Variants in TMTC2 observed in about 807,000 individuals in gnomAD.
TMTC2 encodes protein O-mannosyl-transferase TMTC2.
TMTC2 carries 43 observed loss-of-function variants against 82.4 expected under a neutral mutation model. That is an observed-to-expected ratio of 0.52 (90% CI 0.41 to 0.67). The LOEUF is 0.67. Ranked by LOEUF, TMTC2 falls within the 30% of genes least tolerant of loss-of-function variation. The pLI is 0.00. For synonymous variants in TMTC2, 408 were observed against 381.9 expected (o/e 1.07, Z -0.80); for missense variants, 919 against 1,012.4 (o/e 0.91, Z 1.25).
At chr12:83,088,666 T>C (rs1883742857) in intron 11 of TMTC2, among the ~76,000 whole-genome samples, 3 of 152,222 alleles carry the variant, frequency 2.0e-5, no homozygotes, top group South Asian at 2.1e-4. Flanking sequence ...ATTTATGGAA[T>C]ATATTTACTC....
intron 1 of TMTC2, among the ~76,000 whole-genome samples, chr12:82,830,684 ATAT>A (rs1321916711): frequency 6.6e-6 from 1 of 152,188 alleles, no homozygotes; most frequent in Non-Finnish European, 1.5e-5. Context: ...ATGAAGTAAA[ATAT>A]TATAAACAAT....
chr12:83,075,034 G>A (rs570003434), intron 11 of TMTC2, among the ~76,000 whole-genome samples: 5 of 152,138 alleles, frequency 3.3e-5, no homozygotes, highest in Admixed American at 1.3e-4. Context: ...GGGACCGAGC[G>A]AGCTCCCAGG....
chr12:83,013,434 AGGCTAGC>A (rs1880546452), intron 8 of TMTC2, among the ~76,000 whole-genome samples: 1 of 152,156 alleles, frequency 6.6e-6, no homozygotes, highest in African/African-American at 2.4e-5. Flanking sequence ...TAATCCACCT[AGGCTAGC>A]AATACTTAAA....
rs184043353 is a variant in TMTC2, at chr12:82,978,992, G to A, written c.1949-6933G>A. 3.2e-4 allele frequency among the ~76,000 whole-genome samples: 48 copies of A among 151,836 alleles called. 2 individuals carry two copies. Among genetic ancestry groups the A allele is most frequent in the Admixed American group, 3.0e-3 (46 of 15,194 alleles). On this transcript the variant is annotated intron_variant, in intron 7 of 11. Coordinates refer to ENST00000321196, the MANE Select transcript of TMTC2 (RefSeq NM_152588.3). Reference sequence around the variant, plus strand: ...TTGAAATCTGTTTTGTCTGGTGTAAGTATAGCTACTTCTGCTTTTTTTTGC... The same window carrying A: ...TTGAAATCTGTTTTGTCTGGTGTAAATATAGCTACTTCTGCTTTTTTTTGC...
intron 8 of TMTC2, among the ~76,000 whole-genome samples, chr12:83,013,142 C>G (rs779348950): frequency 2.6e-5 from 4 of 151,982 alleles, no homozygotes; most frequent in African/African-American, 9.7e-5. Context: ...CTAATTATTA[C>G]AAATATTAAA....
chr12:83,024,259 T>A (rs2020369), intron 8 of TMTC2, among the ~76,000 whole-genome samples: 131,344 of 152,184 alleles, frequency 0.86, 56,916 homozygotes, highest in South Asian at 0.96. Flanking sequence ...AAAATTTTTT[T>A]AAAAAATTTT....
intron 4 of TMTC2, among the ~76,000 whole-genome samples, chr12:82,934,381 C>G (rs375496587): frequency 1.3e-5 from 2 of 151,752 alleles, no homozygotes; most frequent in East Asian, 1.9e-4. Context: ...CCTCCCCTAG[C>G]CCCCCACCCC....
At chr12:82,815,572 A>G (rs1217976139) in intron 1 of TMTC2, among the ~76,000 whole-genome samples, 1 of 152,028 alleles carries the variant, frequency 6.6e-6, no homozygotes, top group Non-Finnish European at 1.5e-5. Flanking sequence ...TCGGCCTCCC[A>G]AAGTGCTGGG....
chr12:82,760,541 A>G (rs1876564944), intron 1 of TMTC2, among the ~76,000 whole-genome samples: 1 of 143,720 alleles, frequency 7.0e-6, no homozygotes, highest in Non-Finnish European at 1.5e-5. Context: ...ATTTCTCCAG[A>G]GAAAGAGACA....
chr12:82,913,866 T>A (rs1200897669), intron 3 of TMTC2, among the ~76,000 whole-genome samples: 3 of 152,170 alleles, frequency 2.0e-5, no homozygotes, highest in African/African-American at 7.2e-5. Context: ...CCCTGCATAC[T>A]CAATTCCCAC....
intron 11 of TMTC2, among the ~76,000 whole-genome samples, chr12:83,070,862 C>T (rs1157844797): frequency 6.6e-6 from 1 of 152,094 alleles, no homozygotes; most frequent in African/African-American, 2.4e-5. Context: ...CAGGGTACAT[C>T]CCTTGTATGC....
intron 4 of TMTC2, among the ~76,000 whole-genome samples, chr12:82,942,834 T>C (rs115914921): frequency 8.0e-4 from 122 of 152,144 alleles, no homozygotes; most frequent in African/African-American, 2.9e-3. Context: ...CTAGCTTAAT[T>C]TTTTTATTTA....
At chr12:83,115,761 C>T (rs1020404746) in intron 11 of TMTC2, among the ~76,000 whole-genome samples, 4 of 151,972 alleles carry the variant, frequency 2.6e-5, no homozygotes, top group African/African-American at 9.7e-5. Flanking sequence ...GGGCAGTATA[C>T]ACTGTACCCT....
intron 1 of TMTC2, among the ~76,000 whole-genome samples, chr12:82,706,554 C>G (rs923974577): frequency 1.3e-5 from 2 of 151,804 alleles, no homozygotes; most frequent in Non-Finnish European, 2.9e-5. Flanking sequence ...AAACAGGTAG[C>G]TATTATAGGA....
intron 9 of TMTC2, among the ~76,000 whole-genome samples, chr12:83,034,394 C>T (rs914867628): frequency 6.6e-6 from 1 of 152,040 alleles, no homozygotes; most frequent in East Asian, 1.9e-4. Context: ...GACTGGATCC[C>T]ATCGAACTAG....
At chr12:82,993,371 GT>G (rs34666513) in intron 8 of TMTC2, among the ~76,000 whole-genome samples, 126,146 of 149,706 alleles carry the variant, frequency 0.84, 53,866 homozygotes, top group South Asian at 0.97. Flanking sequence ...CTTATACACA[GT>G]TTTTTTTTTT....
intron 2 of TMTC2, among the ~76,000 whole-genome samples, chr12:82,874,059 A>G (rs1470826618): frequency 6.6e-6 from 1 of 152,236 alleles, no homozygotes; most frequent in Non-Finnish European, 1.5e-5. Context: ...TCAGATTTAT[A>G]TAAAAGTTGT....
intron 11 of TMTC2, among the ~76,000 whole-genome samples, chr12:83,100,357 GTTTGTTA>G (rs1304698692): frequency 1.3e-5 from 2 of 151,722 alleles, no homozygotes; most frequent in Admixed American, 1.3e-4. Context: ...TATTTTCACA[GTTTGTTA>G]TTTGTTTGTT....
intron 1 of TMTC2, among the ~76,000 whole-genome samples, chr12:82,711,921 A>G (rs1477192966): frequency 6.6e-6 from 1 of 152,220 alleles, no homozygotes; most frequent in Non-Finnish European, 1.5e-5. Flanking sequence ...AGCTCCTCTT[A>G]GAGAGAAGTG....
Sources: allele counts gnomAD v4.1 joint callset (sites outside exome capture counted in the v4.1 genomes callset), GRCh38; gene constraint gnomAD v4.1.1; transcripts MANE v1.5; gene names NCBI Gene and HGNC (gene_info 2026-07-23, HGNC 2026-07-21).